The following GPR132 variants were observed in gnomAD, a reference collection of about 807,000 sequenced individuals.
GPR132 encodes the protein probable G protein-coupled receptor 132.
GPR132 carries 4 observed loss-of-function variants against 1.9 expected under a neutral mutation model. That is an observed-to-expected ratio of 2.13 (90% CI 1.05 to 4.87). The LOEUF (loss-of-function observed/expected upper bound fraction) is 4.87. Among genes scored for constraint, GPR132 ranks in the 30% most tolerant of loss-of-function variants. The pLI, the probability that GPR132 is intolerant of heterozygous loss-of-function variation, is 0.01. For missense variants in GPR132, 404 were observed against 512.5 expected (o/e 0.79, Z 2.04); for synonymous variants, 233 against 234.2 (o/e 0.99, Z 0.05).
chr14:105,061,230 G>A (rs1231924487), intron 1 of GPR132, among the ~76,000 whole-genome samples: 1 of 152,258 alleles, frequency 6.6e-6, no homozygotes, highest in Non-Finnish European at 1.5e-5. Flanking sequence ...AGGCTTGGGC[G>A]CCGGGGGAGC....
chr14:105,061,310 C>G lies in GPR132; in HGVS notation c.-860-4030G>C, dbSNP rs141219600. Among the ~76,000 whole-genome samples the G allele has an allele frequency of 2.6e-4, 39 of 152,378 alleles. No homozygotes were observed. In the East Asian group the frequency reaches 6.6e-3, roughly 26 times the overall value. The stretch of plus-strand genomic sequence containing the variant: ...TGGCATTCCCTGCCGGACAGGCCCA[C>G]AGCCTCAGGCAGCCCACCGGCCTCT... On this transcript the variant is annotated intron_variant, in intron 1 of 3. Transcript: ENST00000329797.
chr14:105,063,036 C>G (rs1306656181), intron 1 of GPR132, among the ~76,000 whole-genome samples: 1 of 152,124 alleles, frequency 6.6e-6, no homozygotes, highest in Non-Finnish European at 1.5e-5. Context: ...ACATCATCCT[C>G]CCTTCCGAGT....
chr14:105,055,979 A>G lies in GPR132; in HGVS notation c.-559T>C, dbSNP rs1886780907. 5.3e-6 allele frequency: 1 copy of G among 187,802 alleles called. No individual in the cohort carries two copies. Among genetic ancestry groups the G allele is most frequent in the Non-Finnish European group, 9.9e-6 (1 of 100,624 alleles). The allele number at this position is 187,802 out of a possible 1,614,324, so 11.6% of individuals were successfully genotyped here. A position where few individuals can be genotyped will look rare whatever the true frequency, so the allele number is the denominator to read the frequency against. ...CTTTCCGTTCTCCTGGGTCAGACCC[A>G]CAGTTGGCATTGCTGGATCTCACGG... On this transcript the variant is annotated 5_prime_UTR_variant, in exon 3 of 4. Transcript: ENST00000329797. The surrounding 1 kb of genome is among the most constrained non-coding windows in gnomAD (Gnocchi z 4.7).
intron 1 of GPR132, chr14:105,057,496 C>G: frequency 4.2e-6 from 1 of 237,726 alleles, no homozygotes. Flanking sequence ...TTAGCCACTG[C>G]GACTACATAC....
intron 3 of GPR132, chr14:105,054,496 A>G (rs1886735606): frequency 6.8e-6 from 5 of 736,412 alleles, no homozygotes; most frequent in Non-Finnish European, 8.2e-6. Context: ...CAGTGGCGTG[A>G]TCTCTGCTAC....
rs111714937 is a variant in GPR132 at position 105,050,959 on chromosome 14, C to T, written c.*35G>A. ...AGGAACCACATTGCTGGCCCCAGGA[C>T]CCCCAACCTGCCATCCCCCTGCCAC... On this transcript the variant is annotated 3_prime_UTR_variant, in exon 4 of 4. Coordinates refer to ENST00000329797, the MANE Select transcript of GPR132 (RefSeq NM_013345.4). The surrounding 1 kb of genome is among the most constrained non-coding windows in gnomAD (Gnocchi z 4.0). 179 of 1,591,286 alleles carry T rather than the reference C, an allele frequency of 1.1e-4. No homozygotes were observed. The highest frequency in any genetic ancestry group is 9.4e-4 in the African/African-American group (70 of 74,668).
At position 105,060,861 on chromosome 14, in the gene GPR132, A is replaced by C. The variant is rs1886922411; in HGVS notation, c.-860-3581T>G. On this transcript the variant is annotated intron_variant, in intron 1 of 3. Coordinates refer to ENST00000329797, the MANE Select transcript of GPR132 (RefSeq NM_013345.4). This position sits in a 1 kb window ranked among gnomAD's most constrained non-coding sequence, Gnocchi z 6.3. ...CAAAACCAAAGGAAGTGGCAGCTGC[A>C]GTGGAAATGCACGCTCCCCTCCCGG... Among the ~76,000 whole-genome samples the C allele has an allele frequency of 6.6e-6, 1 of 152,236 alleles. No homozygotes were observed. Among genetic ancestry groups the C allele is most frequent in the South Asian group, 2.1e-4 (1 of 4,834 alleles).
intron 1 of GPR132, among the ~76,000 whole-genome samples, chr14:105,063,377 CTTTT>C (rs758639569): frequency 6.9e-6 from 1 of 143,962 alleles, no homozygotes; most frequent in Non-Finnish European, 1.5e-5. Context: ...TATTTTGTAA[CTTTT>C]TTTTTTTTTT....
intron 1 of GPR132, among the ~76,000 whole-genome samples, chr14:105,062,071 A>G (rs541727201): frequency 4.6e-5 from 7 of 152,290 alleles, no homozygotes; most frequent in East Asian, 1.9e-4. Context: ...TCCAACTCCA[A>G]CTGGATTCAG....
At position 105,060,197 on chromosome 14, in the gene GPR132, G is replaced by A. The variant is rs1886904298; in HGVS notation, c.-860-2917C>T. ...CCCAGCTGCTGCTCTGCCAAGATCC[G>A]TGTGGCCCTGTCGTCTGGCTGCTGC... On this transcript the variant is annotated intron_variant, in intron 1 of 3. Coordinates refer to ENST00000329797, the MANE Select transcript of GPR132 (RefSeq NM_013345.4). The surrounding 1 kb of genome is among the most constrained non-coding windows in gnomAD (Gnocchi z 6.3). Among the ~76,000 whole-genome samples, 1 of 152,242 alleles carries A rather than the reference G, an allele frequency of 6.6e-6. No homozygotes were observed. Among genetic ancestry groups the A allele is most frequent in the African/African-American group, 2.4e-5 (1 of 41,466 alleles).
Position 105,051,756 on chromosome 14 carries a change from G to A in GPR132, c.381C>T (p.Tyr127=), listed in dbSNP as rs764558132. The A allele has an allele frequency of 4.3e-6, 7 of 1,614,184 alleles. No homozygotes were observed. Among genetic ancestry groups the A allele is most frequent in the Middle Eastern group, 1.7e-4 (1 of 6,060 alleles). ...VTAYIFFCNI[Y]VSILFLCCIS... ...TGCAGCACAGGAAGAGGATGCTGAC[G>A]TAGATGTTGCAGAAGAAGATGTAGG... Residue 127 remains tyrosine, a synonymous_variant, in exon 4 of 4, where the codon TAC becomes TAT. Coordinates refer to ENST00000329797, the MANE Select transcript of GPR132 (RefSeq NM_013345.4). This position sits in a 1 kb window ranked among gnomAD's most constrained non-coding sequence, Gnocchi z 8.0.
intron 1 of GPR132, among the ~76,000 whole-genome samples, chr14:105,064,116 GGCGTAAGCCA>G (rs1407438446): frequency 6.6e-6 from 1 of 152,186 alleles, no homozygotes; most frequent in East Asian, 1.9e-4. Flanking sequence ...TGGGATTACA[GGCGTAAGCCA>G]CCGCACCTGG....
chr14:105,053,437 G>A (rs561949299), intron 3 of GPR132, among the ~76,000 whole-genome samples: 172 of 152,274 alleles, frequency 1.1e-3, no homozygotes, highest in African/African-American at 4.0e-3. Flanking sequence ...TGGGATTACA[G>A]GCGTGAGCCA....
chr14:105,063,080 G>A (rs913257861), intron 1 of GPR132, among the ~76,000 whole-genome samples: 6 of 152,206 alleles, frequency 3.9e-5, no homozygotes, highest in African/African-American at 1.4e-4. Flanking sequence ...GCCATGCCCA[G>A]TTAATTTTTG....
intron 1 of GPR132, among the ~76,000 whole-genome samples, chr14:105,064,677 G>T (rs887045899): frequency 1.3e-5 from 2 of 152,080 alleles, no homozygotes; most frequent in African/African-American, 4.8e-5. Flanking sequence ...TCCCACCTCG[G>T]CCTGGCCAAT....
At chr14:105,063,029 T>A (rs932868698) in intron 1 of GPR132, among the ~76,000 whole-genome samples, 1 of 152,080 alleles carries the variant, frequency 6.6e-6, no homozygotes, top group Non-Finnish European at 1.5e-5. Flanking sequence ...CAGGCTCACA[T>A]CATCCTCCCT....
Position 105,060,709 on chromosome 14 carries a change from C to G in GPR132, c.-860-3429G>C, listed in dbSNP as rs555343314. Among the ~76,000 whole-genome samples, 1 of 152,350 alleles carries G rather than the reference C, an allele frequency of 6.6e-6. No homozygotes were observed. Among genetic ancestry groups the G allele is most frequent in the Non-Finnish European group, 1.5e-5 (1 of 68,030 alleles). On this transcript the variant is annotated intron_variant, in intron 1 of 3. Transcript: ENST00000329797. The surrounding 1 kb of genome is among the most constrained non-coding windows in gnomAD (Gnocchi z 6.3). The stretch of plus-strand genomic sequence containing the variant: ...GGGGAGTCTGCCTCCTTCACTTTAA[C>G]TGGACCAAGGGTTCTGGAAACCCTC...
intron 3 of GPR132, among the ~76,000 whole-genome samples, chr14:105,052,539 C>A (rs1886679157): frequency 6.6e-6 from 1 of 151,148 alleles, no homozygotes; most frequent in Non-Finnish European, 1.5e-5. Context: ...GTTGGCCAGG[C>A]TGGTCTCGAA....
In GPR132 at chr14:105,056,245, T is replaced by G; in HGVS notation, c.-746-79A>C. On this transcript the variant is annotated intron_variant, in intron 2 of 3. Transcript: ENST00000329797. The surrounding 1 kb of genome is among the most constrained non-coding windows in gnomAD (Gnocchi z 6.0). The stretch of plus-strand genomic sequence containing the variant: ...CCACTTCGCCCAAGACACAGGCCTG[T>G]GGCGGGCGGCGGGGGGCAGTGAAGG... 9.1e-4 allele frequency: 629 copies of G among 691,114 alleles called. No homozygotes were observed. Among genetic ancestry groups the G allele is most frequent in the Middle Eastern group, 1.5e-3 (2 of 1,342 alleles). 42.8% of individuals were successfully genotyped at this position (691,114 alleles called of 1,614,324 possible). A position where few individuals can be genotyped will look rare whatever the true frequency, so the allele number is the denominator to read the frequency against.
Sources: allele counts gnomAD v4.1 joint callset (sites outside exome capture counted in the v4.1 genomes callset), GRCh38; gene constraint gnomAD v4.1.1; non-coding constraint Gnocchi (gnomAD v3.1); transcripts MANE v1.5; gene names NCBI Gene and HGNC (gene_info 2026-07-23, HGNC 2026-07-21).